The following MPPED1 variants were observed in gnomAD, a reference collection of about 807,000 sequenced individuals.
MPPED1 encodes metallophosphoesterase domain containing 1, also known as metallophosphoesterase domain-containing protein 1.
Under a neutral mutation model 36.2 loss-of-function variants are expected in MPPED1, and 16 were observed. The ratio of observed to expected loss-of-function variants is 0.44; its 90% CI spans 0.30 to 0.67. The LOEUF is 0.67. Ranked by LOEUF, MPPED1 falls within the 30% of genes least tolerant of loss-of-function variation. The probability of loss-of-function intolerance (pLI) is 0.10; values close to 1 mark genes in which losing one functional copy is unlikely to be tolerated. For missense variants in MPPED1, 307 were observed against 453.4 expected (o/e 0.68, Z 2.93); for synonymous variants, 199 against 191.3 (o/e 1.04, Z -0.33).
At chr22:43,429,634 C>T (rs965934484) in intron 2 of MPPED1, among the ~76,000 whole-genome samples, 2 of 152,242 alleles carry the variant, frequency 1.3e-5, no homozygotes, top group Non-Finnish European at 2.9e-5. Context: ...TCATTCTGTG[C>T]TGACACATTC....
At chr22:43,491,691 G>GTGA (rs1932098942) in intron 4 of MPPED1, among the ~76,000 whole-genome samples, 1 of 147,924 alleles carries the variant, frequency 6.8e-6, no homozygotes, top group African/African-American at 2.5e-5. Context: ...GGTTATGGAG[G>GTGA]TGGTGGTGGT....
chr22:43,462,914 C>A (rs1247143043), intron 3 of MPPED1, among the ~76,000 whole-genome samples: 1 of 152,174 alleles, frequency 6.6e-6, no homozygotes, highest in African/African-American at 2.4e-5. Flanking sequence ...GTGGAGCACA[C>A]CCTCCAGTAG....
chr22:43,474,933 C>A lies in MPPED1; in HGVS notation c.604C>A (p.Arg202=). Residue 202 remains arginine, a synonymous_variant, in exon 4 of 7, where the codon CGG becomes AGG. Coordinates refer to ENST00000443721, the MANE Select transcript of MPPED1 (RefSeq NM_001044370.2). This position sits in a 1 kb window ranked among gnomAD's most constrained non-coding sequence, Gnocchi z 5.2. ...CCTTCAGGACTCGGAGGTCACCGTGCGGGGCTTCCGGATCTATGGCTCCCC... is the reference window on the plus strand; with the variant it reads ...CCTTCAGGACTCGGAGGTCACCGTGAGGGGCTTCCGGATCTATGGCTCCCC... ...IYLQDSEVTV[R]GFRIYGSPWQ... is the part of the protein sequence containing the mutation. 6.2e-7 allele frequency: 1 copy of A among 1,613,964 alleles called. No homozygotes were observed. The highest frequency in any genetic ancestry group is 1.1e-5 in the South Asian group (1 of 91,084).
intron 4 of MPPED1, among the ~76,000 whole-genome samples, chr22:43,475,850 T>C (rs1166528413): frequency 2.0e-5 from 3 of 147,948 alleles, no homozygotes; most frequent in Non-Finnish European, 4.5e-5. Flanking sequence ...GTGATAATGA[T>C]GGTGATGATG....
At position 43,506,914 on chromosome 22, in the gene MPPED1, G is replaced by A. The variant is rs1932825636; in HGVS notation, c.*1298G>A. On this transcript the variant is annotated 3_prime_UTR_variant, in exon 7 of 7. Transcript: ENST00000443721. ...ACGTTGCATTAAAGTAGTATTATTT[G>A]TCCTGATTGGTGACTTTTTTTGCAC... 1 of 152,088 alleles carries A rather than the reference G, an allele frequency of 6.6e-6. No individual in the cohort carries two copies. Among genetic ancestry groups the A allele is most frequent in the South Asian group, 2.1e-4 (1 of 4,824 alleles). 9.4% of individuals were successfully genotyped at this position (152,088 alleles called of 1,614,324 possible). A position where few individuals can be genotyped will look rare whatever the true frequency, so the allele number is the denominator to read the frequency against.
chr22:43,482,856 T>G (rs1421315805), intron 4 of MPPED1, among the ~76,000 whole-genome samples: 1 of 152,200 alleles, frequency 6.6e-6, no homozygotes, highest in African/African-American at 2.4e-5. Context: ...CTTTTTGCGC[T>G]TAGCAGGCCT....
chr22:43,444,364 C>CTTTT (rs11307353), intron 3 of MPPED1, among the ~76,000 whole-genome samples: 2 of 89,370 alleles, frequency 2.2e-5, no homozygotes, highest in Non-Finnish European at 4.4e-5. Context: ...TTCTATCTAT[C>CTTTT]TTTTTTTTTT....
intron 3 of MPPED1, among the ~76,000 whole-genome samples, chr22:43,435,455 T>A (rs1929925268): frequency 4.1e-5 from 3 of 72,548 alleles, no homozygotes; most frequent in African/African-American, 1.1e-4. Context: ...TTTGTGGGAT[T>A]TTTTTTTTTG....
At chr22:43,463,821 T>TTTTTTTTTTCTTTCTTTC (rs1473941872) in intron 3 of MPPED1, among the ~76,000 whole-genome samples, 1 of 112,870 alleles carries the variant, frequency 8.9e-6, no homozygotes, top group African/African-American at 3.5e-5. Flanking sequence ...CTTTCTTTCT[T>TTTTTTTTTTCTTTCTTTC]TCTTTCTTTC....
chr22:43,447,817 A>T (rs1601966534), intron 3 of MPPED1, among the ~76,000 whole-genome samples: 2 of 138,466 alleles, frequency 1.4e-5, no homozygotes, highest in African/African-American at 5.3e-5. Context: ...ATATATATTT[A>T]TATTTTTATA....
chr22:43,485,016 GACACACACTCAC>G (rs1421531453), intron 4 of MPPED1, among the ~76,000 whole-genome samples: 1 of 152,056 alleles, frequency 6.6e-6, no homozygotes, highest in Non-Finnish European at 1.5e-5. Flanking sequence ...CAAACGCACA[GACACACACTCAC>G]ACACACACAT....
rs892423046 is a variant in MPPED1, at chr22:43,462,598, T to A, written c.407-12138T>A. Among the ~76,000 whole-genome samples, 4 of 152,356 alleles carry A rather than the reference T, an allele frequency of 2.6e-5. No homozygotes were observed. The East Asian group carries it at 7.7e-4, about 29-fold the overall frequency. On this transcript the variant is annotated intron_variant, in intron 3 of 6. Coordinates refer to ENST00000443721, the MANE Select transcript of MPPED1 (RefSeq NM_001044370.2). ...GACATTATTTTTTAAAAGTAGTTAA[T>A]TATTTTGTTTGTTTGCTTATATTTT...
At chr22:43,446,157 C>G (rs756710390) in intron 3 of MPPED1, among the ~76,000 whole-genome samples, 5 of 152,254 alleles carry the variant, frequency 3.3e-5, no homozygotes, top group Non-Finnish European at 7.3e-5. Flanking sequence ...AGGCATGAGT[C>G]ACTGCACCCA....
intron 2 of MPPED1, among the ~76,000 whole-genome samples, chr22:43,426,303 C>T (rs1929468227): frequency 6.6e-6 from 1 of 152,054 alleles, no homozygotes; most frequent in African/African-American, 2.4e-5. Context: ...GCTGTTGTAC[C>T]TTCACCCGGC....
chr22:43,444,360 C>A, intron 3 of MPPED1, among the ~76,000 whole-genome samples: 1 of 131,594 alleles, frequency 7.6e-6, no homozygotes, highest in South Asian at 2.5e-4. Flanking sequence ...TTCTTTCTAT[C>A]TATCTTTTTT....
intron 3 of MPPED1, among the ~76,000 whole-genome samples, chr22:43,446,386 C>T (rs1930346920): frequency 6.6e-6 from 1 of 152,086 alleles, no homozygotes; most frequent in African/African-American, 2.4e-5. Context: ...GGATAAACAG[C>T]TGTCATATGA....
intron 4 of MPPED1, among the ~76,000 whole-genome samples, chr22:43,481,565 G>A (rs1482117697): frequency 6.6e-6 from 1 of 152,166 alleles, no homozygotes; most frequent in African/African-American, 2.4e-5. Context: ...ATGGATGGAT[G>A]GCAAGCTGTG....
chr22:43,431,105 G>A (rs905733436), intron 2 of MPPED1, among the ~76,000 whole-genome samples: 3 of 125,264 alleles, frequency 2.4e-5, no homozygotes, highest in African/African-American at 8.9e-5. Flanking sequence ...GCAGTGGTGC[G>A]ATCTCAGCTC....
chr22:43,436,769 C>T (rs999603175), intron 3 of MPPED1, among the ~76,000 whole-genome samples: 1 of 152,246 alleles, frequency 6.6e-6, no homozygotes, highest in Non-Finnish European at 1.5e-5. Flanking sequence ...GGGCCAAGCC[C>T]CCGCTGTGTG....
Sources: allele counts gnomAD v4.1 joint callset (sites outside exome capture counted in the v4.1 genomes callset), GRCh38; gene constraint gnomAD v4.1.1; non-coding constraint Gnocchi (gnomAD v3.1); transcripts MANE v1.5; gene names NCBI Gene and HGNC (gene_info 2026-07-23, HGNC 2026-07-21).